Variants in SNX29 observed in about 807,000 individuals in gnomAD.
SNX29 encodes sorting nexin 29.
A neutral mutation model predicts 102.1 loss-of-function variants in SNX29; 78 were observed. The observed-to-expected ratio is 0.76, with a 90% CI of 0.64 to 0.92. The LOEUF (loss-of-function observed/expected upper bound fraction) is 0.92, where lower values mean the gene tolerates loss of function less well. SNX29 is among the 40% of genes least tolerant of loss of function. The pLI, the probability that SNX29 is intolerant of heterozygous loss-of-function variation, is 0.00. For synonymous variants in SNX29, 580 were observed against 414.5 expected (o/e 1.40, Z -4.85); for missense variants, 1,280 against 1,061.7 (o/e 1.21, Z -2.86).
intron 4 of SNX29, among the ~76,000 whole-genome samples, chr16:12,029,925 A>G (rs1267435118): frequency 8.0e-6 from 1 of 125,278 alleles, no homozygotes; most frequent in African/African-American, 3.1e-5. Flanking sequence ...CTGATATATC[A>G]TCGTCAGGTT....
chr16:12,273,731 C>T (rs1043862503), intron 14 of SNX29, among the ~76,000 whole-genome samples: 3 of 152,146 alleles, frequency 2.0e-5, no homozygotes, highest in Non-Finnish European at 2.9e-5. Flanking sequence ...TGTCATGCCC[C>T]AAAGAAGCCT....
rs759205533 is a variant in SNX29, at chr16:12,557,026, GCCC to G, written c.2319-11478_2319-11476del. Reference sequence around the variant, plus strand: ...CATCTGGCTAATTTACCCCCCCCCCGCCCCAAGATGAGGTCTTGCTATGTGGCC... The same window carrying G: ...CATCTGGCTAATTTACCCCCCCCCCGCAAGATGAGGTCTTGCTATGTGGCC... On this transcript the variant is annotated intron_variant, in intron 20 of 20. Coordinates refer to ENST00000566228, the MANE Select transcript of SNX29 (RefSeq NM_032167.5). Among the ~76,000 whole-genome samples the G allele has an allele frequency of 1.2e-3, 14 of 11,590 alleles. 2 individuals are homozygous for G. The highest frequency in any genetic ancestry group is 4.4e-3 in the Non-Finnish European group (13 of 2,928). 7.6% of individuals were successfully genotyped at this position (11,590 alleles called of 152,430 possible).
At chr16:12,016,627 T>C (rs1311659179) in intron 3 of SNX29, among the ~76,000 whole-genome samples, 1 of 152,234 alleles carries the variant, frequency 6.6e-6, no homozygotes, top group East Asian at 1.9e-4. Flanking sequence ...AGGTGTGTAG[T>C]TGTGTCTTAT....
At chr16:12,562,293 A>G (rs1037244648) in intron 20 of SNX29, among the ~76,000 whole-genome samples, 5 of 152,164 alleles carry the variant, frequency 3.3e-5, no homozygotes, top group Admixed American at 3.3e-4. Context: ...TCCCAGCATC[A>G]AACGTTATCG....
chr16:12,251,050 T>G (rs893119993), intron 14 of SNX29, among the ~76,000 whole-genome samples: 9 of 152,206 alleles, frequency 5.9e-5, no homozygotes, highest in Admixed American at 5.9e-4. Flanking sequence ...GCGGGCCATG[T>G]GGCCAGGCTG....
chr16:12,400,573 A>G (rs1454316203), intron 17 of SNX29, among the ~76,000 whole-genome samples: 1 of 152,246 alleles, frequency 6.6e-6, no homozygotes, highest in East Asian at 1.9e-4. Context: ...AGCCTGGCCG[A>G]AACATTGCTT....
chr16:12,077,291 A>T (rs1379511934), intron 10 of SNX29, among the ~76,000 whole-genome samples: 2 of 149,726 alleles, frequency 1.3e-5, no homozygotes, highest in African/African-American at 2.5e-5. Flanking sequence ...AAAAAAAAAA[A>T]TTGGAAAATG....
chr16:12,367,129 A>C (rs1471548125), intron 16 of SNX29: 1 of 152,080 alleles, frequency 6.6e-6, no homozygotes, highest in Non-Finnish European at 1.5e-5. Flanking sequence ...CTGACCCCTG[A>C]TGAGTGTTTC....
intron 16 of SNX29, among the ~76,000 whole-genome samples, chr16:12,357,103 C>T (rs1024707379): frequency 1.2e-4 from 18 of 152,220 alleles, no homozygotes; most frequent in African/African-American, 4.3e-4. Flanking sequence ...AACACTTGTC[C>T]TTTTGTGCAG....
intron 20 of SNX29, among the ~76,000 whole-genome samples, chr16:12,564,210 A>C (rs909523710): frequency 1.5e-5 from 2 of 137,058 alleles, no homozygotes; most frequent in African/African-American, 5.7e-5. Flanking sequence ...CACCATAGGG[A>C]GACCCCCACA....
chr16:12,067,012 TAAATAAATAAATA>T (rs988540853), intron 9 of SNX29, among the ~76,000 whole-genome samples: 11 of 147,824 alleles, frequency 7.4e-5, no homozygotes, highest in African/African-American at 2.8e-4. Context: ...AATAAATAAA[TAAATAAATAAATA>T]AATAAATAAG....
At chr16:12,415,243 C>T (rs766471586) in intron 18 of SNX29, among the ~76,000 whole-genome samples, 13 of 152,222 alleles carry the variant, frequency 8.5e-5, no homozygotes, top group Admixed American at 1.3e-4. Flanking sequence ...AAGGTATAAG[C>T]GCTGTACAAG....
intron 19 of SNX29, among the ~76,000 whole-genome samples, chr16:12,495,240 C>T (rs946689889): frequency 6.6e-6 from 1 of 152,160 alleles, no homozygotes. Flanking sequence ...CACCCTCTAC[C>T]TCCCAGGTTC....
intron 14 of SNX29, among the ~76,000 whole-genome samples, chr16:12,228,197 T>G (rs1180650636): frequency 6.6e-6 from 1 of 152,230 alleles, no homozygotes; most frequent in Non-Finnish European, 1.5e-5. Flanking sequence ...ACATTAGTGT[T>G]AGAGGCACTG....
intron 1 of SNX29, among the ~76,000 whole-genome samples, chr16:11,989,740 A>G (rs2055773315): frequency 6.6e-6 from 1 of 152,110 alleles, no homozygotes; most frequent in African/African-American, 2.4e-5. Flanking sequence ...CTCACAATGC[A>G]TAATCCCTCC....
At position 12,248,081 on chromosome 16, in the gene SNX29, C is replaced by T. The variant is rs1396466580; in HGVS notation, c.1679-29852C>T. Among the ~76,000 whole-genome samples the T allele has an allele frequency of 4.6e-5, 7 of 152,278 alleles. No individual in the cohort carries two copies. The East Asian group carries it at 1.4e-3, about 29-fold the overall frequency. On this transcript the variant is annotated intron_variant, in intron 14 of 20. Coordinates refer to ENST00000566228, the MANE Select transcript of SNX29 (RefSeq NM_032167.5). The stretch of plus-strand genomic sequence containing the variant: ...CCTCCCTGCTTTCATTCTGGTGATG[C>T]CCCTCTCCTGTGAGGCTTCTCTGTA...
At chr16:12,475,065 G>A (rs910254473) in intron 18 of SNX29, among the ~76,000 whole-genome samples, 8 of 152,178 alleles carry the variant, frequency 5.3e-5, no homozygotes, top group Admixed American at 2.0e-4. Context: ...TGCGCTATTC[G>A]TAGACCTGAA....
intron 14 of SNX29, among the ~76,000 whole-genome samples, chr16:12,248,659 G>A (rs1169106543): frequency 2.6e-5 from 4 of 151,834 alleles, no homozygotes; most frequent in African/African-American, 9.7e-5. Flanking sequence ...CAAGTGATCC[G>A]CCTCCCTCTG....
intron 18 of SNX29, among the ~76,000 whole-genome samples, chr16:12,476,200 T>C (rs2087585449): frequency 6.7e-6 from 1 of 149,226 alleles, no homozygotes; most frequent in African/African-American, 2.5e-5. Flanking sequence ...TGGGCATCTG[T>C]AATCCCAGCT....
Sources: gnomAD v4.1 joint callset for allele counts (sites outside exome capture counted in the v4.1 genomes callset) on GRCh38, gnomAD v4.1.1 for gene constraint, MANE v1.5 for transcripts, NCBI Gene and HGNC (gene_info 2026-07-23, HGNC 2026-07-21) for gene names.